The following UGT1A10 variants were observed in gnomAD, a reference collection of about 807,000 sequenced individuals.
UGT1A10 encodes the protein UDP-glucuronosyltransferase 1A10.
Under a neutral mutation model 45.8 loss-of-function variants are expected in UGT1A10, and 49 were observed. That is an observed-to-expected ratio of 1.07 (90% CI 0.85 to 1.36). UGT1A10 has a LOEUF of 1.36. Among genes scored for constraint, UGT1A10 ranks in the 40% most tolerant of loss-of-function variants. The pLI, the probability that UGT1A10 is intolerant of heterozygous loss-of-function variation, is 0.00. For missense variants in UGT1A10, 745 were observed against 668.6 expected, an observed-to-expected ratio of 1.11 and a Z score of -1.26; for synonymous variants, 284 against 249.7, an observed-to-expected ratio of 1.14 and a Z score of -1.29.
intron 1 of UGT1A10, chr2:233,747,760 A>G: frequency 6.2e-7 from 1 of 1,613,440 alleles, no homozygotes; most frequent in South Asian, 1.1e-5. Context: ...TTAGACTTTA[A>G]GGGCACACAG....
chr2:233,681,837 ACACG>A, intron 1 of UGT1A10: 1 of 1,517,864 alleles, frequency 6.6e-7, no homozygotes, highest in Non-Finnish European at 8.8e-7. Context: ...ATGAATAAGT[ACACG>A]CCTTCTTTTG....
rs1485888079 is a variant in UGT1A10 at position 233,751,702 on chromosome 2, C to A, written c.856-15332C>A. On this transcript the variant is annotated intron_variant, in intron 1 of 4. Coordinates refer to ENST00000344644, the MANE Select transcript of UGT1A10 (RefSeq NM_019075.4). ...GCTGATGGTTTTATAAGGGGCTCTT[C>A]CTCCTTCACTCACAAGTGAACTCTT... is the stretch of plus-strand genomic sequence containing the variant. Among the ~76,000 whole-genome samples, 4 of 152,152 alleles carry A rather than the reference C, an allele frequency of 2.6e-5. No individual in the cohort carries two copies. In the South Asian group the frequency reaches 8.3e-4, roughly 32 times the overall value.
At chr2:233,739,460 T>C (rs1385095028) in intron 1 of UGT1A10, among the ~76,000 whole-genome samples, 1 of 152,240 alleles carries the variant, frequency 6.6e-6, no homozygotes, top group African/African-American at 2.4e-5. Context: ...GGGTTGGAGC[T>C]GCCTGAGACC....
chr2:233,722,088 C>T (rs983768867), intron 1 of UGT1A10: 6 of 215,248 alleles, frequency 2.8e-5, no homozygotes, highest in African/African-American at 1.4e-4. Context: ...CACAGATCAC[C>T]TTAGGCCTCT....
chr2:233,718,616 C>A (rs573810131), intron 1 of UGT1A10: 11 of 858,600 alleles, frequency 1.3e-5, no homozygotes, highest in South Asian at 5.3e-5. Context: ...TCAAGATAGG[C>A]GTGATTGGTC....
intron 4 of UGT1A10, among the ~76,000 whole-genome samples, chr2:233,768,830 T>G (rs1378078075): frequency 6.6e-6 from 1 of 152,106 alleles, no homozygotes; most frequent in Non-Finnish European, 1.5e-5. Flanking sequence ...GTGATCCACC[T>G]GCCTCGGCCT....
rs190315696 is a variant in UGT1A10 at position 233,744,277 on chromosome 2, A to G, written c.856-22757A>G. On this transcript the variant is annotated intron_variant, in intron 1 of 4. Transcript: ENST00000344644. Reference sequence around the variant, plus strand: ...AACTGTTTTTCTTAAAGTAGGCTTTATATCAGTCTTTTTCCTCGGCCACAG... The same window carrying G: ...AACTGTTTTTCTTAAAGTAGGCTTTGTATCAGTCTTTTTCCTCGGCCACAG... 2.4e-3 allele frequency among the ~76,000 whole-genome samples: 368 copies of G among 151,920 alleles called. 17 individuals carry two copies. Among genetic ancestry groups the G allele is most frequent in the African/African-American group, 8.5e-3 (350 of 41,184 alleles).
At position 233,769,785 on chromosome 2, in the gene UGT1A10, T is replaced by G; in HGVS notation, c.1295+1346T>G. The G allele has an allele frequency of 7.5e-7, 1 of 1,329,352 alleles. No individual in the cohort carries two copies. Among genetic ancestry groups the G allele is most frequent in the Non-Finnish European group, 9.9e-7 (1 of 1,011,114 alleles). 82.3% of individuals were successfully genotyped at this position (1,329,352 alleles called of 1,614,324 possible). A position where few individuals can be genotyped will look rare whatever the true frequency, so the allele number is the denominator to read the frequency against. Reference sequence around the variant, plus strand: ...CGGGAGGATTGCTTGAGCCCAGAAGTTGGAGGCTGCTATGAGCCGTGATCA... The same window carrying G: ...CGGGAGGATTGCTTGAGCCCAGAAGGTGGAGGCTGCTATGAGCCGTGATCA... On this transcript the variant is annotated intron_variant, in intron 4 of 4. Coordinates refer to ENST00000344644, the MANE Select transcript of UGT1A10 (RefSeq NM_019075.4). The surrounding 1 kb of genome is among the most constrained non-coding windows in gnomAD (Gnocchi z 4.4).
At chr2:233,640,991 T>C (rs1325002731) in intron 1 of UGT1A10, among the ~76,000 whole-genome samples, 1 of 152,110 alleles carries the variant, frequency 6.6e-6, no homozygotes, top group African/African-American at 2.4e-5. Context: ...AAAAATAACA[T>C]AATCTTCCTG....
At chr2:233,682,924 T>A in intron 1 of UGT1A10, 1 of 1,470,534 alleles carries the variant, frequency 6.8e-7, no homozygotes, top group South Asian at 1.4e-5. Context: ...AATTCTTTTG[T>A]ACCAATTCAC....
intron 1 of UGT1A10, among the ~76,000 whole-genome samples, chr2:233,710,938 C>T (rs1294280393): frequency 6.6e-6 from 1 of 152,316 alleles, no homozygotes; most frequent in East Asian, 1.9e-4. Context: ...TTGTTTAGGT[C>T]TTTGTTTATG....
intron 1 of UGT1A10, chr2:233,756,329 T>A (rs934859836): frequency 6.6e-6 from 1 of 152,238 alleles, no homozygotes; most frequent in African/African-American, 2.4e-5. Flanking sequence ...TTTAAACCTC[T>A]AGTCATCTCT....
intron 1 of UGT1A10, among the ~76,000 whole-genome samples, chr2:233,666,755 C>T (rs1055827061): frequency 1.3e-5 from 2 of 151,478 alleles, no homozygotes; most frequent in Non-Finnish European, 2.9e-5. Context: ...CCCATTAACT[C>T]GTCATTTAAC....
intron 1 of UGT1A10, among the ~76,000 whole-genome samples, chr2:233,764,100 A>T (rs549144830): frequency 7.2e-5 from 11 of 152,262 alleles, no homozygotes; most frequent in Non-Finnish European, 1.6e-4. Context: ...AACTAAAAAT[A>T]CAAAATTCTT....
intron 1 of UGT1A10, among the ~76,000 whole-genome samples, chr2:233,764,749 G>A (rs2126012049): frequency 6.6e-6 from 1 of 152,298 alleles, no homozygotes; most frequent in East Asian, 1.9e-4. Flanking sequence ...GAGATGTGGT[G>A]CAGACCCTAG....
intron 1 of UGT1A10, among the ~76,000 whole-genome samples, chr2:233,653,719 C>A (rs1434675238): frequency 6.6e-6 from 1 of 152,214 alleles, no homozygotes; most frequent in Non-Finnish European, 1.5e-5. Context: ...GCCTCAGCCT[C>A]CTGGGTAGCT....
Position 233,769,314 on chromosome 2 carries a change from T to A in UGT1A10, c.1295+875T>A, listed in dbSNP as rs551966060. Among the ~76,000 whole-genome samples, 1 of 152,360 alleles carries A rather than the reference T, an allele frequency of 6.6e-6. No individual in the cohort carries two copies. The highest frequency in any genetic ancestry group is 2.1e-4 in the South Asian group (1 of 4,826). ...TAAAGTTAGTATATTACTGTCAAGC[T>A]CACTGGTAATAGGCTTATTAGAACC... is the stretch of plus-strand genomic sequence containing the variant. On this transcript the variant is annotated intron_variant, in intron 4 of 4. Coordinates refer to ENST00000344644, the MANE Select transcript of UGT1A10 (RefSeq NM_019075.4). This position sits in a 1 kb window ranked among gnomAD's most constrained non-coding sequence, Gnocchi z 4.4.
chr2:233,762,546 T>C (rs1698100771), intron 1 of UGT1A10, among the ~76,000 whole-genome samples: 1 of 152,252 alleles, frequency 6.6e-6, no homozygotes. Context: ...CCACAGTGTA[T>C]TCTGCTGGAG....
intron 1 of UGT1A10, chr2:233,648,871 A>G (rs531023668): frequency 4.8e-6 from 6 of 1,258,534 alleles, no homozygotes; most frequent in East Asian, 2.8e-5. Context: ...AGCCTCTGAA[A>G]TTCTCCAAAC....
Sources: gnomAD v4.1 joint callset for allele counts (sites outside exome capture counted in the v4.1 genomes callset) on GRCh38, gnomAD v4.1.1 for gene constraint, Gnocchi (gnomAD v3.1) non-coding constraint, MANE v1.5 for transcripts, NCBI Gene and HGNC (gene_info 2026-07-23, HGNC 2026-07-21) for gene names.